ICA1: variants seen among roughly 807,000 people sequenced by gnomAD.
ICA1 encodes the protein islet cell autoantigen 1.
ICA1 carries 40 observed loss-of-function variants against 71.0 expected under a neutral mutation model. That is an observed-to-expected ratio of 0.56 (90% CI 0.44 to 0.73). The LOEUF (loss-of-function observed/expected upper bound fraction) is 0.73. ICA1 is among the 30% of genes least tolerant of loss of function. The pLI, the probability that ICA1 is intolerant of heterozygous loss-of-function variation, is 0.00. For synonymous variants in ICA1, 207 were observed against 209.5 expected (o/e 0.99, Z 0.10); for missense variants, 578 against 576.5 (o/e 1.00, Z -0.03).
chr7:8,227,679 C>A, intron 4 of ICA1: 1 of 417,360 alleles, frequency 2.4e-6, no homozygotes, highest in Non-Finnish European at 4.7e-6. Flanking sequence ...CATTATAGGT[C>A]ACTGTGATCC....
chr7:8,174,771 A>AAAAAAAAAAAAAAAAAAAAACC (rs1554310916), intron 6 of ICA1, among the ~76,000 whole-genome samples: 1 of 106,038 alleles, frequency 9.4e-6, no homozygotes, highest in Non-Finnish European at 2.0e-5. Context: ...AAAAAAAAAA[A>AAAAAAAAAAAAAAAAAAAAACC]AAAAAAAACA....
chr7:8,196,408 C>G (rs1340745739), intron 6 of ICA1, among the ~76,000 whole-genome samples: 3 of 152,192 alleles, frequency 2.0e-5, no homozygotes, highest in Non-Finnish European at 2.9e-5. Context: ...TGAAACTACC[C>G]ATATGCTACT....
intron 13 of ICA1, among the ~76,000 whole-genome samples, chr7:8,124,349 G>A (rs1250335550): frequency 2.6e-5 from 4 of 151,156 alleles, no homozygotes; most frequent in Admixed American, 6.6e-5. Flanking sequence ...TCGACCTCTT[G>A]ACCTCATGAT....
chr7:8,207,656 G>C (rs1427401773), intron 6 of ICA1, among the ~76,000 whole-genome samples: 1 of 152,208 alleles, frequency 6.6e-6, no homozygotes, highest in Admixed American at 6.5e-5. Flanking sequence ...AAGTGGCTGA[G>C]AATTGTGCAC....
intron 6 of ICA1, among the ~76,000 whole-genome samples, chr7:8,161,037 G>C (rs1358462399): frequency 6.6e-6 from 1 of 152,226 alleles, no homozygotes; most frequent in African/African-American, 2.4e-5. Context: ...AAAGGCATCT[G>C]TCTTCAGCCT....
chr7:8,237,076 CAA>C (rs1246605262), intron 1 of ICA1, among the ~76,000 whole-genome samples: 3 of 152,294 alleles, frequency 2.0e-5, no homozygotes, highest in Non-Finnish European at 1.5e-5. Context: ...GGTATGCAGA[CAA>C]GAGAGAGGAA....
intron 6 of ICA1, among the ~76,000 whole-genome samples, chr7:8,205,084 A>C (rs1340782267): frequency 6.6e-6 from 1 of 151,400 alleles, no homozygotes; most frequent in Non-Finnish European, 1.5e-5. Context: ...CATGCAAAAA[A>C]AAAAAAAAAA....
At chr7:8,167,328 A>G (rs1349168543) in intron 6 of ICA1, among the ~76,000 whole-genome samples, 1 of 152,206 alleles carries the variant, frequency 6.6e-6, no homozygotes, top group Non-Finnish European at 1.5e-5. Context: ...CTGCAGCAAC[A>G]TGGATGCAGA....
chr7:8,148,947 G>A (rs1797927334), intron 8 of ICA1, among the ~76,000 whole-genome samples: 1 of 152,154 alleles, frequency 6.6e-6, no homozygotes, highest in South Asian at 2.1e-4. Context: ...CCCCGACGTT[G>A]GATCACAAAC....
At chr7:8,166,260 A>G (rs1805928741) in intron 6 of ICA1, among the ~76,000 whole-genome samples, 1 of 152,188 alleles carries the variant, frequency 6.6e-6, no homozygotes, top group South Asian at 2.1e-4. Context: ...CTATATGCAC[A>G]TAAGGCAAAA....
Position 8,113,739 on chromosome 7 carries a change from C to T in ICA1, c.*184G>A, listed in dbSNP as rs192193648. On this transcript the variant is annotated 3_prime_UTR_variant, in exon 14 of 14. Transcript: ENST00000402384. The surrounding 1 kb of genome is among the most constrained non-coding windows in gnomAD (Gnocchi z 4.2). ...TTATTTAGATCCACATAGAGATACACGAAAACCCTTTATACCAAATAAGAG... is the reference window on the plus strand; with the variant it reads ...TTATTTAGATCCACATAGAGATACATGAAAACCCTTTATACCAAATAAGAG... 253 of 615,714 alleles carry T rather than the reference C, an allele frequency of 4.1e-4. 1 individual carries two copies. Among genetic ancestry groups the T allele is most frequent in the Admixed American group, 1.1e-3 (37 of 33,030 alleles). 38.1% of individuals were successfully genotyped at this position (615,714 alleles called of 1,614,324 possible). A position where few individuals can be genotyped will look rare whatever the true frequency, so the allele number is the denominator to read the frequency against.
chr7:8,136,138 G>A (rs1378400167), intron 12 of ICA1, among the ~76,000 whole-genome samples: 5 of 152,104 alleles, frequency 3.3e-5, no homozygotes, highest in African/African-American at 4.8e-5. Flanking sequence ...ATGTCATTAC[G>A]ACACTGAATG....
At chr7:8,176,508 C>A (rs1474402265) in intron 6 of ICA1, among the ~76,000 whole-genome samples, 1 of 152,182 alleles carries the variant, frequency 6.6e-6, no homozygotes, top group Non-Finnish European at 1.5e-5. Flanking sequence ...ACCCTCCAGA[C>A]TCTAAGCTGC....
chr7:8,218,576 T>C, intron 5 of ICA1, 73 bp from the exon 6 acceptor site: 2 of 1,231,388 alleles, frequency 1.6e-6, no homozygotes, highest in African/African-American at 1.5e-5. Context: ...ATTCTGCCAA[T>C]CTTAGACTCG....
intron 6 of ICA1, among the ~76,000 whole-genome samples, chr7:8,207,959 C>CT (rs1792205203): frequency 6.6e-6 from 1 of 152,152 alleles, no homozygotes; most frequent in African/African-American, 2.4e-5. Context: ...TCATGACAAC[C>CT]TATGACTCCA....
rs182046697 is a variant in ICA1 at position 8,238,258 on chromosome 7, T to C, written c.-79-2253A>G. Reference sequence around the variant, plus strand: ...AGCAGCTGCACCATTTCAAGCCCACTGATGGTATGCAAGGGTCCCACTTTC... The same window carrying C: ...AGCAGCTGCACCATTTCAAGCCCACCGATGGTATGCAAGGGTCCCACTTTC... On this transcript the variant is annotated intron_variant, in intron 1 of 13. Transcript: ENST00000402384. Among the ~76,000 whole-genome samples the C allele has an allele frequency of 1.4e-3, 216 of 152,330 alleles. 2 individuals are homozygous for C. The highest frequency in any genetic ancestry group is 4.8e-3 in the African/African-American group (200 of 41,588).
rs1244519117 is a variant in ICA1, at chr7:8,244,085, G to C, written c.-79-8080C>G. 5.3e-5 allele frequency among the ~76,000 whole-genome samples: 8 copies of C among 152,268 alleles called. No individual in the cohort carries two copies. In the East Asian group the frequency reaches 1.4e-3, roughly 26 times the overall value. Reference sequence around the variant, plus strand: ...TTAAAGTTCATATGGAATCAAAAAAGAGCCTGCATTGCCAAGACAATCCTG... The same window carrying C: ...TTAAAGTTCATATGGAATCAAAAAACAGCCTGCATTGCCAAGACAATCCTG... On this transcript the variant is annotated intron_variant, in intron 1 of 13. Coordinates refer to ENST00000402384, the MANE Select transcript of ICA1 (RefSeq NM_001136020.3).
chr7:8,154,377 G>A (rs1800766235), intron 8 of ICA1, among the ~76,000 whole-genome samples: 1 of 152,192 alleles, frequency 6.6e-6, no homozygotes, highest in South Asian at 2.1e-4. Flanking sequence ...GATGCACCGA[G>A]TGTTTAACAC....
intron 1 of ICA1, among the ~76,000 whole-genome samples, chr7:8,239,073 T>C (rs75566007): frequency 7.9e-5 from 12 of 152,324 alleles, no homozygotes; most frequent in Non-Finnish European, 1.6e-4. Flanking sequence ...AAAGGAATCA[T>C]AAGTGGTCAA....
Sources: allele counts gnomAD v4.1 joint callset (sites outside exome capture counted in the v4.1 genomes callset), GRCh38; gene constraint gnomAD v4.1.1; non-coding constraint Gnocchi (gnomAD v3.1); transcripts MANE v1.5; gene names NCBI Gene and HGNC (gene_info 2026-07-23, HGNC 2026-07-21).